Variants in SH3YL1 observed in about 807,000 individuals in gnomAD.
SH3YL1 encodes the protein SH3 and SYLF domain containing 1, also known as SH3 domain-containing YSC84-like protein 1.
Under a neutral mutation model 45.8 loss-of-function variants are expected in SH3YL1, and 41 were observed. That is an observed-to-expected ratio of 0.89 (90% CI 0.70 to 1.16). The LOEUF is 1.16. SH3YL1 is among the 50% of genes most tolerant of loss of function. SH3YL1 has a pLI of 0.00. For synonymous variants in SH3YL1, 152 were observed against 151.4 expected, an observed-to-expected ratio of 1.00 and a Z score of -0.03; for missense variants, 389 against 409.6, an observed-to-expected ratio of 0.95 and a Z score of 0.43.
At chr2:263,897 C>T (rs934921216) in intron 1 of SH3YL1, 87 bp downstream of exon 1, 20 of 1,176,362 alleles carry the variant, frequency 1.7e-5, no homozygotes, top group Non-Finnish European at 2.3e-5. Context: ...AGAGGCATCG[C>T]CGGTTTTCCC....
chr2:262,613 TATC>T (rs771634490), intron 1 of SH3YL1: 5 of 1,304,276 alleles, frequency 3.8e-6, no homozygotes, highest in South Asian at 2.5e-5. Flanking sequence ...AATTTTGTCT[TATC>T]ATGACGCCAC....
chr2:254,442 G>T (rs1197051544), intron 1 of SH3YL1, among the ~76,000 whole-genome samples: 1 of 152,188 alleles, frequency 6.6e-6, no homozygotes, highest in Admixed American at 6.5e-5. Context: ...CTGAGGCTGA[G>T]AAGTTCTTGT....
chr2:262,003 T>C (rs1361958384), intron 1 of SH3YL1, among the ~76,000 whole-genome samples: 1 of 152,178 alleles, frequency 6.6e-6, no homozygotes, highest in Non-Finnish European at 1.5e-5. Context: ...TAAAATTCCA[T>C]CTAAGATCAA....
intron 1 of SH3YL1, among the ~76,000 whole-genome samples, chr2:253,517 G>A (rs1419489804): frequency 1.3e-5 from 2 of 152,200 alleles, no homozygotes; most frequent in African/African-American, 2.4e-5. Context: ...GTTTACAAAT[G>A]CCATGGCAAC....
chr2:248,604 G>A (rs1668940185), intron 3 of SH3YL1, among the ~76,000 whole-genome samples: 1 of 152,136 alleles, frequency 6.6e-6, no homozygotes, highest in South Asian at 2.1e-4. Flanking sequence ...AGGTTTGCTG[G>A]GGCTCTGAGA....
chr2:225,034 T>C (rs1667735905), intron 8 of SH3YL1, 114 bp from the exon 9 acceptor site: 1 of 778,118 alleles, frequency 1.3e-6, no homozygotes. Flanking sequence ...ATCACTAAGT[T>C]GATAGGATCA....
chr2:233,170 G>A lies in SH3YL1; in HGVS notation c.464C>T (p.Ser155Leu). ...AGACACGCCTGCAAAGAGTCCCCTTGACTTGCAGTACGTGAAGACGGCAGC... is the reference window on the plus strand; with the variant it reads ...AGACACGCCTGCAAAGAGTCCCCTTAACTTGCAGTACGTGAAGACGGCAGC... The part of the protein sequence containing the change: ...SSAAVFTYCK[S>L]RGLFAGVSLE... The change falls in exon 6 of 10, where the codon TCA (serine) becomes TTA (leucine). Residue 155 changes from serine (S) to leucine (L), a missense_variant. Physicochemically the swap from Ser to Leu is moderately radical, Grantham distance 145. Coordinates refer to ENST00000356150, the MANE Select transcript of SH3YL1 (RefSeq NM_015677.4). The A allele has an allele frequency of 6.3e-7, 1 of 1,597,196 alleles. No individual in the cohort carries two copies.
rs1437282008 is a variant in SH3YL1, at chr2:229,897, A to T, written c.781+69T>A. ...CTCTAAAGTTTAACAATGTATCTTG[A>T]TTTCTTAATGATAACATTTAATAAT... On this transcript the variant is annotated intron_variant, in intron 8 of 9. Transcript: ENST00000356150. 3.1e-6 allele frequency: 4 copies of T among 1,270,492 alleles called. No individual in the cohort carries two copies. The South Asian group carries it at 3.9e-5, about 12-fold the overall frequency. 78.7% of individuals were successfully genotyped at this position (1,270,492 alleles called of 1,614,324 possible).
intron 9 of SH3YL1, among the ~76,000 whole-genome samples, chr2:219,977 G>C (rs1377349760): frequency 6.6e-6 from 1 of 151,940 alleles, no homozygotes; most frequent in Non-Finnish European, 1.5e-5. Context: ...TGAGAACTGA[G>C]CAGTTAACAT....
intron 1 of SH3YL1, among the ~76,000 whole-genome samples, chr2:255,127 T>TA (rs753644393): frequency 6.6e-6 from 1 of 152,202 alleles, no homozygotes; most frequent in African/African-American, 2.4e-5. Context: ...CTTGACAAAA[T>TA]AAACTTTTAA....
chr2:232,345 C>T (rs1017223140), intron 6 of SH3YL1, among the ~76,000 whole-genome samples: 12 of 151,906 alleles, frequency 7.9e-5, no homozygotes, highest in Admixed American at 2.6e-4. Flanking sequence ...GGAATACTGA[C>T]TGACACATGA....
chr2:261,587 A>G (rs1367167852), intron 1 of SH3YL1, among the ~76,000 whole-genome samples: 1 of 152,236 alleles, frequency 6.6e-6, no homozygotes, highest in African/African-American at 2.4e-5. Context: ...CAAAAGCATA[A>G]ATCAGCTTAA....
chr2:241,029 A>G (rs1389882585), intron 4 of SH3YL1: 1 of 152,224 alleles, frequency 6.6e-6, no homozygotes. Context: ...CATAGAAAAA[A>G]AATTTAAAAA....
chr2:239,849 T>C (rs1452917909), intron 4 of SH3YL1: 3 of 152,204 alleles, frequency 2.0e-5, no homozygotes, highest in Admixed American at 1.3e-4. Context: ...TGAAGACACA[T>C]TGATTCAATG....
At chr2:255,779 AG>A (rs1489237149) in intron 1 of SH3YL1, 1 of 152,206 alleles carries the variant, frequency 6.6e-6, no homozygotes, top group Non-Finnish European at 1.5e-5. Flanking sequence ...AGATAGAGGA[AG>A]GTATTTCCAC....
At chr2:233,021 T>TA in intron 6 of SH3YL1, 80 bp downstream of exon 6, 1 of 1,278,524 alleles carries the variant, frequency 7.8e-7, no homozygotes, top group Non-Finnish European at 1.0e-6. Context: ...TATATAAATG[T>TA]ACTCTGCAAA....
chr2:256,938 C>T (rs1419858707), intron 1 of SH3YL1, among the ~76,000 whole-genome samples: 4 of 152,152 alleles, frequency 2.6e-5, no homozygotes, highest in Non-Finnish European at 5.9e-5. Flanking sequence ...ACACAGTGGC[C>T]TTTCACTGTG....
chr2:247,528 A>G lies in SH3YL1; in HGVS notation c.291+10T>C. ...TATGGCAGTTGTATGGACGTGCACAAGCTACTTACCTCAATTCCTATTTCA... is the reference window on the plus strand; with the variant it reads ...TATGGCAGTTGTATGGACGTGCACAGGCTACTTACCTCAATTCCTATTTCA... On this transcript the variant is annotated intron_variant, in intron 4 of 9. Coordinates refer to ENST00000356150, the MANE Select transcript of SH3YL1 (RefSeq NM_015677.4). The G allele has an allele frequency of 6.4e-7, 1 of 1,550,640 alleles. No homozygotes were observed. The highest frequency in any genetic ancestry group is 8.7e-7 in the Non-Finnish European group (1 of 1,146,112).
intron 4 of SH3YL1, chr2:240,845 G>C (rs1572161575): frequency 1.3e-5 from 2 of 152,262 alleles, no homozygotes; most frequent in East Asian, 1.9e-4. Flanking sequence ...ACAGTAGTGG[G>C]GCACAGAATT....
Sources: allele counts gnomAD v4.1 joint callset (sites outside exome capture counted in the v4.1 genomes callset), GRCh38; gene constraint gnomAD v4.1.1; transcripts MANE v1.5; gene names NCBI Gene and HGNC (gene_info 2026-07-23, HGNC 2026-07-21).